Variants in CFAP299 observed in about 807,000 individuals in gnomAD.
The protein encoded by CFAP299 is cilia and flagella associated protein 299, also known as cilia- and flagella-associated protein 299.
Under a neutral mutation model 27.0 loss-of-function variants are expected in CFAP299, and 21 were observed. The observed-to-expected ratio is 0.78, with a 90% confidence interval of 0.55 to 1.12. The LOEUF (loss-of-function observed/expected upper bound fraction) is 1.12. Among genes scored for constraint, CFAP299 ranks in the 50% most tolerant of loss-of-function variants. The probability of loss-of-function intolerance (pLI) is 0.00; values close to 1 mark genes in which losing one functional copy is unlikely to be tolerated. For synonymous variants in CFAP299, 104 were observed against 98.1 expected, an observed-to-expected ratio of 1.06 and a Z score of -0.36; for missense variants, 310 against 276.6, an observed-to-expected ratio of 1.12 and a Z score of -0.86.
At chr4:80,601,773 C>T (rs984153546) in intron 3 of CFAP299, among the ~76,000 whole-genome samples, 3 of 152,042 alleles carry the variant, frequency 2.0e-5, no homozygotes, top group Non-Finnish European at 4.4e-5. Flanking sequence ...AGGGACAGAA[C>T]AATGTGAGTA....
chr4:80,488,234 T>A (rs1304427889), intron 2 of CFAP299, among the ~76,000 whole-genome samples: 1 of 152,026 alleles, frequency 6.6e-6, no homozygotes, highest in Non-Finnish European at 1.5e-5. Flanking sequence ...GCCGCAGAAG[T>A]AATGCAAGAG....
intron 2 of CFAP299, among the ~76,000 whole-genome samples, chr4:80,581,882 T>A (rs1736192936): frequency 6.6e-6 from 1 of 151,898 alleles, no homozygotes; most frequent in Non-Finnish European, 1.5e-5. Flanking sequence ...TTCAACGCTT[T>A]CTGGTAGCAT....
chr4:80,799,578 TAA>T (rs1237908965), intron 3 of CFAP299, among the ~76,000 whole-genome samples: 2 of 70,810 alleles, frequency 2.8e-5, no homozygotes, highest in South Asian at 5.1e-4. Flanking sequence ...TATATATTTA[TAA>T]AATATATTAT....
At chr4:80,529,490 C>G (rs746493455) in intron 2 of CFAP299, among the ~76,000 whole-genome samples, 1 of 152,076 alleles carries the variant, frequency 6.6e-6, no homozygotes, top group Non-Finnish European at 1.5e-5. Flanking sequence ...TCAATCTGTA[C>G]TGATAGTTTA....
At chr4:80,435,231 A>G (rs910571127) in intron 2 of CFAP299, among the ~76,000 whole-genome samples, 2 of 152,182 alleles carry the variant, frequency 1.3e-5, no homozygotes, top group Admixed American at 1.3e-4. Flanking sequence ...GCCAGACCAG[A>G]GGCAAAATAA....
At chr4:80,706,089 G>A (rs974123175) in intron 3 of CFAP299, among the ~76,000 whole-genome samples, 1 of 151,602 alleles carries the variant, frequency 6.6e-6, no homozygotes, top group Non-Finnish European at 1.5e-5. Flanking sequence ...GTTAAGGTAC[G>A]GTAATATATC....
intron 3 of CFAP299, among the ~76,000 whole-genome samples, chr4:80,729,671 C>G (rs1164673047): frequency 7.3e-6 from 1 of 136,966 alleles, no homozygotes; most frequent in Non-Finnish European, 1.5e-5. Context: ...AAGATCTTGG[C>G]TCACTACAAG....
intron 3 of CFAP299, among the ~76,000 whole-genome samples, chr4:80,605,052 G>A (rs181028327): frequency 6.6e-6 from 1 of 152,258 alleles, no homozygotes; most frequent in East Asian, 1.9e-4. Context: ...GAAAATGGGG[G>A]CTCACAAGGT....
chr4:80,545,464 A>G (rs1437876436), intron 2 of CFAP299, among the ~76,000 whole-genome samples: 3 of 152,150 alleles, frequency 2.0e-5, no homozygotes, highest in Non-Finnish European at 2.9e-5. Flanking sequence ...TCAGACTATT[A>G]CAAACATCTC....
At chr4:80,368,415 G>T (rs1008631058) in intron 2 of CFAP299, among the ~76,000 whole-genome samples, 8 of 152,100 alleles carry the variant, frequency 5.3e-5, no homozygotes, top group African/African-American at 1.9e-4. Flanking sequence ...ATTCAATCTA[G>T]TTAATTTAGC....
chr4:80,363,924 T>G (rs1272002004), intron 2 of CFAP299, among the ~76,000 whole-genome samples: 3 of 151,852 alleles, frequency 2.0e-5, no homozygotes, highest in Non-Finnish European at 4.4e-5. Context: ...CTGTCTCTAC[T>G]AAAAATACAA....
intron 3 of CFAP299, among the ~76,000 whole-genome samples, chr4:80,820,219 C>T (rs921899813): frequency 6.6e-6 from 1 of 152,094 alleles, no homozygotes; most frequent in Non-Finnish European, 1.5e-5. Context: ...ATATCTCCTT[C>T]TAATTAGATC....
chr4:80,365,441 T>C (rs187632143), intron 2 of CFAP299, among the ~76,000 whole-genome samples: 4 of 152,322 alleles, frequency 2.6e-5, no homozygotes, highest in Admixed American at 1.3e-4. Flanking sequence ...TGGTATGTAA[T>C]GCAACATATT....
chr4:80,728,073 C>G (rs1723260193), intron 3 of CFAP299, among the ~76,000 whole-genome samples: 1 of 151,864 alleles, frequency 6.6e-6, no homozygotes, highest in South Asian at 2.1e-4. Flanking sequence ...TGAAACATTG[C>G]AATTTCAAAA....
chr4:80,882,600 T>C (rs1020549455), intron 4 of CFAP299, among the ~76,000 whole-genome samples: 1 of 150,794 alleles, frequency 6.6e-6, no homozygotes, highest in Non-Finnish European at 1.5e-5. Flanking sequence ...ATAGCGCCGC[T>C]GCACTCAGGC....
chr4:80,606,895 G>C (rs1294858568), intron 3 of CFAP299, among the ~76,000 whole-genome samples: 1 of 152,100 alleles, frequency 6.6e-6, no homozygotes, highest in African/African-American at 2.4e-5. Flanking sequence ...TTTCCTGTAA[G>C]ATAAATTTCC....
intron 2 of CFAP299, among the ~76,000 whole-genome samples, chr4:80,475,065 A>T (rs1730207448): frequency 6.6e-6 from 1 of 152,068 alleles, no homozygotes; most frequent in Non-Finnish European, 1.5e-5. Flanking sequence ...GGAAATAATG[A>T]CTTTGAAGGG....
At chr4:80,386,653 G>A (rs1259402067) in intron 2 of CFAP299, 28 of 1,592,180 alleles carry the variant, frequency 1.8e-5, no homozygotes, top group Non-Finnish European at 2.4e-5. Flanking sequence ...CCGTGTGGGC[G>A]CGCAGGTGCT....
Position 80,387,221 on chromosome 4 carries a change from G to T in CFAP299, c.242+24337G>T, listed in dbSNP as rs1038090706. 70 of 1,441,630 alleles carry T rather than the reference G, an allele frequency of 4.9e-5. 1 individual carries two copies. In the South Asian group the frequency reaches 7.7e-4, roughly 16 times the overall value. The allele number at this position is 1,441,630 out of a possible 1,614,324, so 89.3% of individuals were successfully genotyped here. On this transcript the variant is annotated intron_variant, in intron 2 of 5. Coordinates refer to ENST00000358105, the MANE Select transcript of CFAP299 (RefSeq NM_152770.3). ...CTGGTGCACGCTCAGGTCGTACATCGGGGGTAAGTCCTTGTTGCAGAAGTG... is the reference window on the plus strand; with the variant it reads ...CTGGTGCACGCTCAGGTCGTACATCTGGGGTAAGTCCTTGTTGCAGAAGTG...
Sources: gnomAD v4.1 joint callset for allele counts (sites outside exome capture counted in the v4.1 genomes callset) on GRCh38, gnomAD v4.1.1 for gene constraint, MANE v1.5 for transcripts, NCBI Gene and HGNC (gene_info 2026-07-23, HGNC 2026-07-21) for gene names.